Variants in ZBTB2 observed in about 807,000 individuals in gnomAD.
ZBTB2 encodes zinc finger and BTB domain containing 2, also known as zinc finger and BTB domain-containing protein 2.
A neutral mutation model predicts 39.5 loss-of-function variants in ZBTB2; 2 were observed. The ratio of observed to expected loss-of-function variants is 0.05; its 90% confidence interval spans 0.02 to 0.16. The LOEUF (loss-of-function observed/expected upper bound fraction) is 0.16. Among genes scored for constraint, ZBTB2 ranks in the 10% least tolerant of loss-of-function variants. ZBTB2 has a pLI of 1.00. For synonymous variants in ZBTB2, 251 were observed against 256.6 expected, an observed-to-expected ratio of 0.98 and a Z score of 0.21; for missense variants, 391 against 653.0, an observed-to-expected ratio of 0.60 and a Z score of 4.37.
At chr6:151,378,037 G>C (rs1031983069) in intron 1 of ZBTB2, 1 of 152,142 alleles carries the variant, frequency 6.6e-6, no homozygotes, top group Non-Finnish European at 1.5e-5. Context: ...GGGGAATAAA[G>C]TAGAACAAGG....
Position 151,373,566 on chromosome 6 carries a change from A to G in ZBTB2, c.72T>C (p.Cys24=), listed in dbSNP as rs1449667221. The part of the protein sequence containing the change: ...LNAQREFGFL[C]DCTVAIGDVY... ...CATCGCCGATTGCAACCGTGCAGTC[A>G]CACAGGAAACCAAACTCTCGCTGAG... The change falls in exon 2 of 3, where the codon TGT becomes TGC. Residue 24 remains cysteine (C), a synonymous_variant. Coordinates refer to ENST00000325144, the MANE Select transcript of ZBTB2 (RefSeq NM_020861.3). The G allele has an allele frequency of 1.9e-6, 3 of 1,614,222 alleles. No individual in the cohort carries two copies. Among genetic ancestry groups the G allele is most frequent in the Non-Finnish European group, 2.5e-6 (3 of 1,180,040 alleles).
At chr6:151,368,287 C>T (rs1282940503) in intron 2 of ZBTB2, among the ~76,000 whole-genome samples, 2 of 152,022 alleles carry the variant, frequency 1.3e-5, no homozygotes, top group African/African-American at 4.8e-5. Flanking sequence ...GCTGGGACTA[C>T]AGGTGTCCGC....
intron 1 of ZBTB2, among the ~76,000 whole-genome samples, chr6:151,390,246 C>G (rs1779255176): frequency 6.7e-6 from 1 of 149,830 alleles, no homozygotes; most frequent in African/African-American, 2.5e-5. Flanking sequence ...CCCCGCCCGC[C>G]TGAGCGCGCC....
intron 1 of ZBTB2, among the ~76,000 whole-genome samples, chr6:151,375,726 G>C (rs1226264731): frequency 1.3e-5 from 2 of 152,164 alleles, no homozygotes; most frequent in East Asian, 3.9e-4. Context: ...CACCAAACCT[G>C]GCTAAGTTTT....
At chr6:151,374,353 G>A (rs1159026409) in intron 1 of ZBTB2, among the ~76,000 whole-genome samples, 1 of 152,132 alleles carries the variant, frequency 6.6e-6, no homozygotes, top group East Asian at 1.9e-4. Flanking sequence ...TTTGCCCCAG[G>A]CCTTCTAGCC....
intron 1 of ZBTB2, among the ~76,000 whole-genome samples, chr6:151,380,010 T>C (rs1196366771): frequency 6.6e-6 from 1 of 152,104 alleles, no homozygotes; most frequent in East Asian, 1.9e-4. Context: ...AGAATCTCAA[T>C]TTAGGAATTT....
rs533529663 is a variant in ZBTB2, at chr6:151,365,665, T to C, written c.1401A>G (p.Ser467=). 9 of 1,614,122 alleles carry C rather than the reference T, an allele frequency of 5.6e-6. No homozygotes were observed. Among genetic ancestry groups the C allele is most frequent in the Non-Finnish European group, 6.8e-6 (8 of 1,180,052 alleles). The change falls in exon 3 of 3, where the codon TCA becomes TCG. Residue 467 remains serine (S), a synonymous_variant. Transcript: ENST00000325144. This position sits in a 1 kb window ranked among gnomAD's most constrained non-coding sequence, Gnocchi z 5.6. ...FSTPNEVVKH[S]CQNQNSDVFA... ...AAACATCCGAGTTCTGGTTTTGGCATGAATGTTTAACAACCTCATTGGGAG... is the reference window on the plus strand; with the variant it reads ...AAACATCCGAGTTCTGGTTTTGGCACGAATGTTTAACAACCTCATTGGGAG...
chr6:151,385,789 ATAAT>A (rs1173449968), intron 1 of ZBTB2, among the ~76,000 whole-genome samples: 1 of 152,214 alleles, frequency 6.6e-6, no homozygotes, highest in African/African-American at 2.4e-5. Context: ...ACTATTATTA[ATAAT>A]TAATATTGGA....
At chr6:151,381,286 T>A (rs1218170422) in intron 1 of ZBTB2, among the ~76,000 whole-genome samples, 2 of 152,108 alleles carry the variant, frequency 1.3e-5, no homozygotes, top group Non-Finnish European at 2.9e-5. Flanking sequence ...TTTGGGAGGC[T>A]GAGGCGGGCA....
In ZBTB2 at chr6:151,366,489, T is replaced by A. The variant is rs1280190536; in HGVS notation, c.577A>T (p.Thr193Ser). ...NLAQVNRTNM[T>S]PSDPLQTSLS... ...GAGGTCTGCAGGGGGTCTGAGGGAG[T>A]CATATTTGTCCGATTCACCTGGGCC... The change falls in exon 3 of 3, where the codon ACT (threonine) becomes TCT (serine). Residue 193 changes from threonine to serine, a missense_variant. Transcript: ENST00000325144. The surrounding 1 kb of genome is among the most constrained non-coding windows in gnomAD (Gnocchi z 7.1). 1.2e-6 allele frequency: 2 copies of A among 1,613,112 alleles called. No homozygotes were observed. The highest frequency in any genetic ancestry group is 2.7e-5 in the African/African-American group (2 of 74,532).
At chr6:151,381,167 TCCACCA>T (rs1779027016) in intron 1 of ZBTB2, among the ~76,000 whole-genome samples, 2 of 152,144 alleles carry the variant, frequency 1.3e-5, no homozygotes, top group South Asian at 4.1e-4. Flanking sequence ...CCTTCATGCA[TCCACCA>T]CACAACAGCC....
intron 1 of ZBTB2, among the ~76,000 whole-genome samples, chr6:151,389,999 C>T (rs1369164942): frequency 1.3e-5 from 2 of 151,770 alleles, no homozygotes; most frequent in African/African-American, 2.4e-5. Context: ...GGGAAGCAGC[C>T]TCCCCGCCTT....
chr6:151,366,726 C>A lies in ZBTB2; in HGVS notation c.340G>T (p.Ala114Ser). ...AYPLIQEASL[A>S]SQGAFSHPDQ... is the part of the protein sequence containing the mutation. ...GGGTGAGAAAAGGCTCCCTGGCTGG[C>A]GAGGCTGGCTTCCTGAATGAGCGGG... The change falls in exon 3 of 3, where the codon GCC becomes TCC. Residue 114 changes from alanine (A) to serine (S), a missense_variant. This residue lies in a region of ZBTB2 where 175 missense variants were observed against 198.6 expected (regional missense o/e 0.88). Coordinates refer to ENST00000325144, the MANE Select transcript of ZBTB2 (RefSeq NM_020861.3). This position sits in a 1 kb window ranked among gnomAD's most constrained non-coding sequence, Gnocchi z 7.1. 2 of 1,614,062 alleles carry A rather than the reference C, an allele frequency of 1.2e-6. No individual in the cohort carries two copies. The highest frequency in any genetic ancestry group is 1.7e-6 in the Non-Finnish European group (2 of 1,180,004).
chr6:151,373,452 C>T lies in ZBTB2; in HGVS notation c.173+13G>A. 1 of 1,613,992 alleles carries T rather than the reference C, an allele frequency of 6.2e-7. No homozygotes were observed. On this transcript the variant is annotated intron_variant, in intron 2 of 2. Transcript: ENST00000325144. Reference sequence around the variant, plus strand: ...TCTACAGTCATTAGGTTATTAGCAACCACTTTAGTTACCTGGTCTGATGGA... The same window carrying T: ...TCTACAGTCATTAGGTTATTAGCAATCACTTTAGTTACCTGGTCTGATGGA...
chr6:151,387,048 T>C (rs113586398), intron 1 of ZBTB2, among the ~76,000 whole-genome samples: 14 of 152,300 alleles, frequency 9.2e-5, no homozygotes, highest in African/African-American at 3.4e-4. Context: ...GGTTGAGTAG[T>C]GAAGAAAATC....
intron 2 of ZBTB2, among the ~76,000 whole-genome samples, chr6:151,369,785 C>G (rs1778745154): frequency 6.6e-6 from 1 of 152,014 alleles, no homozygotes; most frequent in Non-Finnish European, 1.5e-5. Context: ...CCAGCCTGGC[C>G]AACATGGCAA....
rs556197590 is a variant in ZBTB2 at position 151,382,238 on chromosome 6, A to T, written c.-12-8589T>A. ...GAAATCTTATTATGGGTACATGACT[A>T]TGTATGAAAAAATACTTTTCTTTTT... On this transcript the variant is annotated intron_variant, in intron 1 of 2. Coordinates refer to ENST00000325144, the MANE Select transcript of ZBTB2 (RefSeq NM_020861.3). Among the ~76,000 whole-genome samples, 287 of 152,270 alleles carry T rather than the reference A, an allele frequency of 1.9e-3. 1 individual carries two copies. The highest frequency in any genetic ancestry group is 3.3e-3 in the Non-Finnish European group (223 of 68,004).
chr6:151,380,848 G>T (rs1204184912), intron 1 of ZBTB2, among the ~76,000 whole-genome samples: 1 of 151,942 alleles, frequency 6.6e-6, no homozygotes, highest in Non-Finnish European at 1.5e-5. Context: ...ACTTCTCCTT[G>T]GCTGTCCCCC....
At chr6:151,389,727 G>C (rs1779241118) in intron 1 of ZBTB2, among the ~76,000 whole-genome samples, 1 of 152,164 alleles carries the variant, frequency 6.6e-6, no homozygotes, top group African/African-American at 2.4e-5. Context: ...GCGAGAGCCG[G>C]GTTATATCCC....
Sources: gnomAD v4.1 joint callset for allele counts (sites outside exome capture counted in the v4.1 genomes callset) on GRCh38, gnomAD v4.1.1 for gene constraint, gnomAD v4.1.1 regional missense constraint, Gnocchi (gnomAD v3.1) non-coding constraint, MANE v1.5 for transcripts, NCBI Gene and HGNC (gene_info 2026-07-23, HGNC 2026-07-21) for gene names.